The following HDAC9 variants were observed in gnomAD, a reference collection of about 807,000 sequenced individuals.
HDAC9 encodes the protein histone deacetylase 9.
HDAC9 carries 41 observed loss-of-function variants against 139.4 expected under a neutral mutation model. The ratio of observed to expected loss-of-function variants is 0.29; its 90% CI spans 0.23 to 0.38. The LOEUF is 0.38. HDAC9 is among the 10% of genes least tolerant of loss of function. The probability of loss-of-function intolerance (pLI) is 1.00; values close to 1 mark genes in which losing one functional copy is unlikely to be tolerated. For missense variants in HDAC9, 1,147 were observed against 1,297.0 expected, an observed-to-expected ratio of 0.88 and a Z score of 1.78; for synonymous variants, 517 against 476.2, an observed-to-expected ratio of 1.09 and a Z score of -1.12.
intron 1 of HDAC9, among the ~76,000 whole-genome samples, chr7:18,426,682 C>T (rs1011778100): frequency 2.6e-5 from 4 of 152,162 alleles, no homozygotes; most frequent in Admixed American, 6.5e-5. Flanking sequence ...TTACCACTCT[C>T]ATCCTTGTTT....
intron 17 of HDAC9, among the ~76,000 whole-genome samples, chr7:18,822,571 C>T (rs557684768): frequency 1.3e-5 from 2 of 152,052 alleles, no homozygotes; most frequent in Non-Finnish European, 2.9e-5. Context: ...GCCAGGCTGT[C>T]TTGAACTCTT....
At chr7:18,758,270 T>G (rs1789058396) in intron 14 of HDAC9, among the ~76,000 whole-genome samples, 1 of 152,196 alleles carries the variant, frequency 6.6e-6, no homozygotes, top group Non-Finnish European at 1.5e-5. Context: ...AAAATCTTTT[T>G]GGGCAGGCTA....
intron 1 of HDAC9, among the ~76,000 whole-genome samples, chr7:18,297,945 A>T (rs1216661878): frequency 6.6e-6 from 1 of 152,142 alleles, no homozygotes; most frequent in Non-Finnish European, 1.5e-5. Context: ...GGGGGATTTC[A>T]CTCTGCCCTT....
rs565360961 is a variant in HDAC9 at position 18,831,709 on chromosome 7, G to A, written c.2466+2161G>A. The stretch of plus-strand genomic sequence containing the variant: ...TGAGAAGGAAGTTTTAAGGTGCCAC[G>A]TGGCCTTGAGACATCCGTTCTCCCT... On this transcript the variant is annotated intron_variant, in intron 19 of 25. Coordinates refer to ENST00000686413, the MANE Select transcript of HDAC9 (RefSeq NM_178425.4). Among the ~76,000 whole-genome samples, 28 of 152,094 alleles carry A rather than the reference G, an allele frequency of 1.8e-4. No homozygotes were observed. In the East Asian group the frequency reaches 5.2e-3, roughly 28 times the overall value.
At chr7:18,329,557 A>G (rs1361675525) in intron 1 of HDAC9, among the ~76,000 whole-genome samples, 3 of 146,454 alleles carry the variant, frequency 2.0e-5, no homozygotes, top group Non-Finnish European at 3.0e-5. Flanking sequence ...CATCTCTCCA[A>G]AAAAAAAAAA....
At chr7:18,245,799 C>T (rs1409563781) in intron 2 of HDAC9, among the ~76,000 whole-genome samples, 1 of 152,062 alleles carries the variant, frequency 6.6e-6, no homozygotes, top group African/African-American at 2.4e-5. Flanking sequence ...GAGTTTTGTG[C>T]TCGTTTGTTC....
chr7:18,611,709 A>G (rs1253972493), intron 6 of HDAC9, among the ~76,000 whole-genome samples: 1 of 152,166 alleles, frequency 6.6e-6, no homozygotes, highest in Non-Finnish European at 1.5e-5. Context: ...AGTACCATGT[A>G]GCATCTATCC....
chr7:18,846,639 C>G (rs1301069722), intron 21 of HDAC9, among the ~76,000 whole-genome samples: 1 of 152,160 alleles, frequency 6.6e-6, no homozygotes, highest in East Asian at 1.9e-4. Context: ...CTATTTCCAA[C>G]AGTATTCTCT....
chr7:18,853,726 CT>C (rs1366942771), intron 21 of HDAC9, among the ~76,000 whole-genome samples: 1 of 152,138 alleles, frequency 6.6e-6, no homozygotes, highest in Non-Finnish European at 1.5e-5. Context: ...GCAGCAGAAT[CT>C]TTTCAACTCT....
chr7:18,404,627 A>G (rs1311656989), intron 1 of HDAC9, among the ~76,000 whole-genome samples: 1 of 152,252 alleles, frequency 6.6e-6, no homozygotes, highest in Non-Finnish European at 1.5e-5. Flanking sequence ...CACAAAATAC[A>G]GTAAATCTTC....
chr7:18,184,050 A>G (rs1277322608), intron 2 of HDAC9, among the ~76,000 whole-genome samples: 1 of 152,018 alleles, frequency 6.6e-6, no homozygotes, highest in Non-Finnish European at 1.5e-5. Context: ...CATGCTTGGG[A>G]CCAGAAGTTT....
chr7:18,377,829 AC>A (rs1253668377), intron 1 of HDAC9, among the ~76,000 whole-genome samples: 1 of 152,212 alleles, frequency 6.6e-6, no homozygotes, highest in Non-Finnish European at 1.5e-5. Context: ...AGTTATCCAT[AC>A]AAAGATAAGA....
chr7:18,845,643 G>C (rs1397107050), intron 21 of HDAC9, among the ~76,000 whole-genome samples: 1 of 151,942 alleles, frequency 6.6e-6, no homozygotes, highest in Non-Finnish European at 1.5e-5. Context: ...GAGCTGTTTG[G>C]TCTCATAGTT....
chr7:18,369,165 A>G (rs575351059), intron 1 of HDAC9, among the ~76,000 whole-genome samples: 2 of 152,150 alleles, frequency 1.3e-5, no homozygotes, highest in African/African-American at 4.8e-5. Flanking sequence ...AGATCCTTCT[A>G]TGTCTATTTT....
At chr7:18,363,606 C>A (rs1041976567) in intron 1 of HDAC9, among the ~76,000 whole-genome samples, 4 of 152,080 alleles carry the variant, frequency 2.6e-5, no homozygotes, top group Non-Finnish European at 4.4e-5. Flanking sequence ...CACTAAGAAC[C>A]ACTAAGTTTC....
chr7:18,397,257 A>G (rs1005203159), intron 1 of HDAC9, among the ~76,000 whole-genome samples: 1 of 152,166 alleles, frequency 6.6e-6, no homozygotes, highest in African/African-American at 2.4e-5. Flanking sequence ...TTTCAAAGAA[A>G]GGAAATTGAC....
intron 2 of HDAC9, among the ~76,000 whole-genome samples, chr7:18,233,967 C>G (rs1055318725): frequency 1.3e-5 from 2 of 151,910 alleles, no homozygotes; most frequent in Non-Finnish European, 2.9e-5. Context: ...TCATCTGCAT[C>G]AATTACATTC....
intron 17 of HDAC9, among the ~76,000 whole-genome samples, chr7:18,811,941 A>AC (rs921545456): frequency 4.6e-5 from 7 of 151,340 alleles, no homozygotes; most frequent in East Asian, 3.9e-4. Context: ...TGGTTTTAGA[A>AC]CCCCCCTTAA....
At chr7:18,142,794 C>T (rs1005252558) in intron 1 of HDAC9, among the ~76,000 whole-genome samples, 8 of 152,152 alleles carry the variant, frequency 5.3e-5, no homozygotes, top group African/African-American at 1.7e-4. Flanking sequence ...GAGGACGTGG[C>T]GGGTCAAGAC....
Sources: gnomAD v4.1 joint callset for allele counts (sites outside exome capture counted in the v4.1 genomes callset) on GRCh38, gnomAD v4.1.1 for gene constraint, MANE v1.5 for transcripts, NCBI Gene and HGNC (gene_info 2026-07-23, HGNC 2026-07-21) for gene names.